The following PDCD10 variants were observed in gnomAD, a reference collection of about 807,000 sequenced individuals.
PDCD10 encodes programmed cell death 10, also known as programmed cell death protein 10.
PDCD10 carries 4 observed loss-of-function variants against 29.2 expected under a neutral mutation model. That is an observed-to-expected ratio of 0.14 (90% CI 0.07 to 0.31). The LOEUF (loss-of-function observed/expected upper bound fraction) is 0.31, where lower values mean the gene tolerates loss of function less well. Ranked by LOEUF, PDCD10 falls within the 10% of genes least tolerant of loss-of-function variation. The probability of loss-of-function intolerance (pLI) is 1.00; values close to 1 mark genes in which losing one functional copy is unlikely to be tolerated. For missense variants in PDCD10, 183 were observed against 257.9 expected (o/e 0.71, Z 1.99); for synonymous variants, 70 against 82.2 (o/e 0.85, Z 0.80).
At chr3:167,731,238 G>A (rs1724774630) in intron 2 of PDCD10, among the ~76,000 whole-genome samples, 1 of 152,126 alleles carries the variant, frequency 6.6e-6, no homozygotes, top group Non-Finnish European at 1.5e-5. Context: ...GAGTCCATTA[G>A]AAGTTTCTTC....
At chr3:167,694,925 GCTTT>G (rs1288645062) in intron 6 of PDCD10, among the ~76,000 whole-genome samples, 8 of 152,200 alleles carry the variant, frequency 5.3e-5, no homozygotes, top group African/African-American at 1.7e-4. Context: ...AGTATTCCCA[GCTTT>G]CTTTGTTTTT....
chr3:167,701,971 G>A (rs371261530), intron 4 of PDCD10, among the ~76,000 whole-genome samples: 1 of 152,246 alleles, frequency 6.6e-6, no homozygotes, highest in East Asian at 1.9e-4. Context: ...TGGACAATGA[G>A]GAAGAAGACA....
chr3:167,698,383 C>T (rs939374788), intron 4 of PDCD10, among the ~76,000 whole-genome samples: 8 of 151,964 alleles, frequency 5.3e-5, no homozygotes, highest in Non-Finnish European at 1.2e-4. Flanking sequence ...AAAGAATCTA[C>T]TTTTTAGCCA....
rs866193709 is a variant in PDCD10 at position 167,725,730 on chromosome 3, G to C, written c.-116-5457C>G. 9.1e-5 allele frequency among the ~76,000 whole-genome samples: 12 copies of C among 131,728 alleles called. No individual in the cohort carries two copies. In the Middle Eastern group the frequency reaches 0.014, roughly 150 times the overall value. The allele number at this position is 131,728 out of a possible 152,430, so 86.4% of individuals were successfully genotyped here. ...ATCTAGAAGCAATCTCTTGTTAATG[G>C]TAAGTGTATATAGCACTTTACCATT... On this transcript the variant is annotated intron_variant, in intron 2 of 8. Transcript: ENST00000392750.
intron 2 of PDCD10, 25 bp from the exon 3 acceptor site, chr3:167,720,298 G>C (rs1460475076): frequency 4.6e-6 from 3 of 658,660 alleles, no homozygotes; most frequent in South Asian, 1.7e-5. Context: ...AGAAAGAACA[G>C]AGACTTACTA....
chr3:167,731,840 G>C (rs1484353893), intron 2 of PDCD10, among the ~76,000 whole-genome samples: 1 of 152,182 alleles, frequency 6.6e-6, no homozygotes, highest in Non-Finnish European at 1.5e-5. Context: ...AGGCGGGCAA[G>C]GCTCCCCTGA....
At chr3:167,689,535 G>C (rs1349438221) in intron 6 of PDCD10, among the ~76,000 whole-genome samples, 1 of 152,210 alleles carries the variant, frequency 6.6e-6, no homozygotes, top group East Asian at 1.9e-4. Context: ...GATTCTACAA[G>C]TCAAAAGAGT....
At chr3:167,688,882 T>A (rs182238834) in intron 6 of PDCD10, among the ~76,000 whole-genome samples, 134 of 152,300 alleles carry the variant, frequency 8.8e-4, no homozygotes, top group Non-Finnish European at 1.3e-3. Flanking sequence ...GGTTTCTGTG[T>A]GCATGTGGGT....
At chr3:167,709,421 C>T (rs10936543) in intron 3 of PDCD10, among the ~76,000 whole-genome samples, 7,454 of 152,118 alleles carry the variant, frequency 0.049, 601 homozygotes, top group African/African-American at 0.17. Flanking sequence ...AGAATATGTG[C>T]ACTTGGGTGG....
chr3:167,704,799 G>A lies in PDCD10; in HGVS notation c.150+43C>T, dbSNP rs137992615. The A allele has an allele frequency of 8.1e-4, 1,077 of 1,337,152 alleles. 7 individuals are homozygous for A. In the African/African-American group the frequency reaches 0.014, roughly 17 times the overall value. The allele number at this position is 1,337,152 out of a possible 1,614,324, so 82.8% of individuals were successfully genotyped here. A position where few individuals can be genotyped will look rare whatever the true frequency, so the allele number is the denominator to read the frequency against. Reference sequence around the variant, plus strand: ...CATCACATGTACTTACATTTACAAAGAACATACACTTTAATAATCATAGTA... The same window carrying A: ...CATCACATGTACTTACATTTACAAAAAACATACACTTTAATAATCATAGTA... On this transcript the variant is annotated intron_variant, in intron 4 of 8. Transcript: ENST00000392750.
rs3838602 is a variant in PDCD10 at position 167,690,379 on chromosome 3, ACT to A, written c.396-2688_396-2687del. Among the ~76,000 whole-genome samples the A allele has an allele frequency of 9.3e-3, 1,419 of 152,276 alleles. 28 individuals are homozygous for A. The East Asian group carries it at 0.095, about 10-fold the overall frequency. ...TGTTGAGTTTGGTTTAGACTGGAAAACTCTGAAAAAATCTATTCTGAACCCTT... is the reference window on the plus strand; with the variant it reads ...TGTTGAGTTTGGTTTAGACTGGAAAACTGAAAAAATCTATTCTGAACCCTT... On this transcript the variant is annotated intron_variant, in intron 6 of 8. Transcript: ENST00000392750.
chr3:167,726,882 T>C (rs1269450933), intron 2 of PDCD10, among the ~76,000 whole-genome samples: 1 of 152,092 alleles, frequency 6.6e-6, no homozygotes, highest in Non-Finnish European at 1.5e-5. Context: ...ACATACACAA[T>C]GAGAGTCAAA....
intron 6 of PDCD10, among the ~76,000 whole-genome samples, chr3:167,693,245 A>G (rs1720450117): frequency 6.6e-6 from 1 of 152,216 alleles, no homozygotes; most frequent in South Asian, 2.1e-4. Context: ...CATAATTGAG[A>G]TTTCATCAGT....
At position 167,695,992 on chromosome 3, in the gene PDCD10, A is replaced by C. The variant is rs200884543; in HGVS notation, c.269-270T>G. On this transcript the variant is annotated intron_variant, in intron 5 of 8. Transcript: ENST00000392750. ...ATCCCATGAAATCTTAAAAAAAAAAAACACACAAAAAAAAAACAGATTTAA... is the reference window on the plus strand; with the variant it reads ...ATCCCATGAAATCTTAAAAAAAAAACACACACAAAAAAAAAACAGATTTAA... Among the ~76,000 whole-genome samples the C allele has an allele frequency of 3.0e-3, 393 of 128,934 alleles. 2 individuals are homozygous for C. Among genetic ancestry groups the C allele is most frequent in the African/African-American group, 0.012 (312 of 26,854 alleles). The allele number at this position is 128,934 out of a possible 152,430, so 84.6% of individuals were successfully genotyped here. A position where few individuals can be genotyped will look rare whatever the true frequency, so the allele number is the denominator to read the frequency against.
At chr3:167,723,918 A>G (rs1362445538) in intron 2 of PDCD10, among the ~76,000 whole-genome samples, 2 of 152,206 alleles carry the variant, frequency 1.3e-5, no homozygotes, top group Admixed American at 6.5e-5. Context: ...CTAATTTTTA[A>G]CAGAAGATAA....
At chr3:167,697,832 C>A in intron 4 of PDCD10, 2 of 432,458 alleles carry the variant, frequency 4.6e-6, no homozygotes, top group Non-Finnish European at 4.7e-6. Flanking sequence ...CAAGACTGGG[C>A]ATAGAGTTCT....
At chr3:167,692,628 A>G (rs1720371515) in intron 6 of PDCD10, among the ~76,000 whole-genome samples, 1 of 152,210 alleles carries the variant, frequency 6.6e-6, no homozygotes, top group Admixed American at 6.5e-5. Context: ...GTAAAATACA[A>G]AACCCTTAGG....
intron 3 of PDCD10, among the ~76,000 whole-genome samples, chr3:167,707,007 T>C (rs918320582): frequency 9.2e-5 from 14 of 152,234 alleles, no homozygotes. Flanking sequence ...TGGAGTCCAC[T>C]CTGTCACTGA....
At chr3:167,718,847 A>G (rs1723282894) in intron 3 of PDCD10, among the ~76,000 whole-genome samples, 1 of 151,936 alleles carries the variant, frequency 6.6e-6, no homozygotes, top group Non-Finnish European at 1.5e-5. Flanking sequence ...AGTCATAACA[A>G]TACTAGCCCT....
Sources: gnomAD v4.1 joint callset for allele counts (sites outside exome capture counted in the v4.1 genomes callset) on GRCh38, gnomAD v4.1.1 for gene constraint, MANE v1.5 for transcripts, NCBI Gene and HGNC (gene_info 2026-07-23, HGNC 2026-07-21) for gene names.